ZBTB16: variants seen among roughly 807,000 people sequenced by gnomAD.
The protein encoded by ZBTB16 is zinc finger and BTB domain containing 16.
In ZBTB16, 8 loss-of-function variants were observed where a neutral mutation model predicts 56.8. The ratio of observed to expected loss-of-function variants is 0.14; its 90% CI spans 0.08 to 0.25. The LOEUF is 0.25. ZBTB16 is among the 10% of genes least tolerant of loss of function. The pLI, the probability that ZBTB16 is intolerant of heterozygous loss-of-function variation, is 1.00. For synonymous variants in ZBTB16, 363 were observed against 368.5 expected, an observed-to-expected ratio of 0.98 and a Z score of 0.17; for missense variants, 625 against 903.0, an observed-to-expected ratio of 0.69 and a Z score of 3.95.
Position 114,251,831 on chromosome 11 carries a change from T to G in ZBTB16, c.*1276T>G, listed in dbSNP as rs1284498889. Among the ~76,000 whole-genome samples, 1 of 152,144 alleles carries G rather than the reference T, an allele frequency of 6.6e-6. No homozygotes were observed. The highest frequency in any genetic ancestry group is 1.9e-4 in the East Asian group (1 of 5,196). ...GCTTTGGCCTTGTGTTATGTTTTGCTTCTTTTCTGTGTCCCCTGTTAGCAC... is the reference window on the plus strand; with the variant it reads ...GCTTTGGCCTTGTGTTATGTTTTGCGTCTTTTCTGTGTCCCCTGTTAGCAC... On this transcript the variant is annotated 3_prime_UTR_variant, in exon 7 of 7. Transcript: ENST00000335953.
intron 4 of ZBTB16, among the ~76,000 whole-genome samples, chr11:114,236,358 C>T (rs1157930635): frequency 6.6e-6 from 1 of 152,210 alleles, no homozygotes; most frequent in East Asian, 1.9e-4. Flanking sequence ...ACTAGGATCA[C>T]AAATCCAAGA....
chr11:114,217,371 A>G (rs905441470), intron 4 of ZBTB16, among the ~76,000 whole-genome samples: 2 of 152,284 alleles, frequency 1.3e-5, no homozygotes, highest in Admixed American at 6.5e-5. Context: ...TTTTGTGGCT[A>G]TCCTGATGAG....
In ZBTB16 at chr11:114,174,924, C is replaced by T. The variant is rs186382788; in HGVS notation, c.1367-12028C>T. ...CATAGAAGGCTGTCTAAGCTGGGCCCGTGCTCCCATCACAGGCAGTTTAGT... is the reference window on the plus strand; with the variant it reads ...CATAGAAGGCTGTCTAAGCTGGGCCTGTGCTCCCATCACAGGCAGTTTAGT... On this transcript the variant is annotated intron_variant, in intron 3 of 6. Coordinates refer to ENST00000335953, the MANE Select transcript of ZBTB16 (RefSeq NM_006006.6). Among the ~76,000 whole-genome samples, 11 of 152,290 alleles carry T rather than the reference C, an allele frequency of 7.2e-5. No homozygotes were observed. In the East Asian group the frequency reaches 9.7e-4, roughly 13 times the overall value.
rs186647646 is a variant in ZBTB16, at chr11:114,151,359, G to A, written c.1269-4978G>A. Among the ~76,000 whole-genome samples the A allele has an allele frequency of 5.8e-4, 88 of 152,290 alleles. 2 individuals carry two copies. The highest frequency in any genetic ancestry group is 4.9e-3 in the Admixed American group (75 of 15,294). On this transcript the variant is annotated intron_variant, in intron 2 of 6. Transcript: ENST00000335953. ...GTTGGTTCAGAGGATGGCTCAGTTA[G>A]GCTGAAAACAAGGACAACATCGTCT...
intron 2 of ZBTB16, among the ~76,000 whole-genome samples, chr11:114,079,976 G>A (rs1252278609): frequency 3.9e-5 from 6 of 152,166 alleles, no homozygotes; most frequent in Non-Finnish European, 8.8e-5. Flanking sequence ...GGGCTCCGGG[G>A]CGGCACTTCT....
chr11:114,061,171 G>C lies in ZBTB16; in HGVS notation c.-91+1289G>C, dbSNP rs1447830952. On this transcript the variant is annotated intron_variant, in intron 1 of 6. Coordinates refer to ENST00000335953, the MANE Select transcript of ZBTB16 (RefSeq NM_006006.6). ...ACTGGGGGGGTGTGAGAGCGCGGTC[G>C]ATCCCCGGAGCTCGGGCGGGTTATC... is the stretch of plus-strand genomic sequence containing the variant. Among the ~76,000 whole-genome samples, 3 of 152,154 alleles carry C rather than the reference G, an allele frequency of 2.0e-5. No individual in the cohort carries two copies. The East Asian group carries it at 5.9e-4, about 30-fold the overall frequency.
intron 4 of ZBTB16, among the ~76,000 whole-genome samples, chr11:114,196,354 A>G (rs1277489702): frequency 6.6e-6 from 1 of 152,212 alleles, no homozygotes; most frequent in African/African-American, 2.4e-5. Flanking sequence ...ACTTCTTCAA[A>G]TAGAACCTTC....
intron 2 of ZBTB16, among the ~76,000 whole-genome samples, chr11:114,153,234 C>T (rs957992611): frequency 1.2e-4 from 19 of 152,192 alleles, no homozygotes; most frequent in Non-Finnish European, 2.4e-4. Flanking sequence ...TACGAGCAAA[C>T]CAGTGCTGGG....
intron 2 of ZBTB16, among the ~76,000 whole-genome samples, chr11:114,140,547 T>C (rs1941919092): frequency 6.6e-6 from 1 of 152,208 alleles, no homozygotes. Context: ...TGCAGGGTGC[T>C]GAAGGAAAGA....
intron 2 of ZBTB16, among the ~76,000 whole-genome samples, chr11:114,140,250 G>GC (rs1316269432): frequency 4.6e-5 from 7 of 152,142 alleles, no homozygotes; most frequent in Non-Finnish European, 1.0e-4. Context: ...CCAGGCATGA[G>GC]CCCCCCTCCT....
At chr11:114,197,168 G>T in intron 4 of ZBTB16, among the ~76,000 whole-genome samples, 1 of 152,280 alleles carries the variant, frequency 6.6e-6, no homozygotes, top group South Asian at 2.1e-4. Flanking sequence ...GCCTAGAAAA[G>T]GTTGCTTAGT....
At chr11:114,066,735 T>C (rs1055122714) in intron 2 of ZBTB16, among the ~76,000 whole-genome samples, 2 of 151,996 alleles carry the variant, frequency 1.3e-5, no homozygotes, top group Admixed American at 6.6e-5. Context: ...GTGATACTTA[T>C]TTAACCTTTC....
At chr11:114,087,948 T>C (rs1199846840) in intron 2 of ZBTB16, among the ~76,000 whole-genome samples, 3 of 152,160 alleles carry the variant, frequency 2.0e-5, no homozygotes, top group South Asian at 2.1e-4. Flanking sequence ...TAAACTCTTA[T>C]GCTTCCCTTC....
At chr11:114,166,223 T>G (rs1261902704) in intron 3 of ZBTB16, among the ~76,000 whole-genome samples, 1 of 151,348 alleles carries the variant, frequency 6.6e-6, no homozygotes, top group East Asian at 1.9e-4. Context: ...TGTGTGTGTG[T>G]GTGTGTGTGT....
rs990073020 is a variant in ZBTB16, at chr11:114,253,612, G to A, written c.*3057G>A. ...TGCAGACCCCAGTAGGGAGGTATGG[G>A]GAGAGCTCAGGGGAGTGTGGTTTCT... On this transcript the variant is annotated 3_prime_UTR_variant, in exon 7 of 7. Coordinates refer to ENST00000335953, the MANE Select transcript of ZBTB16 (RefSeq NM_006006.6). Among the ~76,000 whole-genome samples, 3 of 152,216 alleles carry A rather than the reference G, an allele frequency of 2.0e-5. No homozygotes were observed. The highest frequency in any genetic ancestry group is 7.2e-5 in the African/African-American group (3 of 41,444).
Position 114,093,151 on chromosome 11 carries a change from C to T in ZBTB16, c.1268+28583C>T, listed in dbSNP as rs576287165. ...GTCTACATGGGGTGTTAAGGCCCCACGTGTTTTTGCCTGTGCCCTTTAATT... is the reference window on the plus strand; with the variant it reads ...GTCTACATGGGGTGTTAAGGCCCCATGTGTTTTTGCCTGTGCCCTTTAATT... On this transcript the variant is annotated intron_variant, in intron 2 of 6. Coordinates refer to ENST00000335953, the MANE Select transcript of ZBTB16 (RefSeq NM_006006.6). Among the ~76,000 whole-genome samples, 9 of 152,278 alleles carry T rather than the reference C, an allele frequency of 5.9e-5. No individual in the cohort carries two copies. In the East Asian group the frequency reaches 1.4e-3, roughly 23 times the overall value.
intron 4 of ZBTB16, among the ~76,000 whole-genome samples, chr11:114,240,919 G>A (rs1302369101): frequency 6.6e-6 from 1 of 152,226 alleles, no homozygotes; most frequent in African/African-American, 2.4e-5. Context: ...GCAAGACCCT[G>A]CATGGCCTGG....
intron 2 of ZBTB16, among the ~76,000 whole-genome samples, chr11:114,081,207 G>A (rs909177789): frequency 2.0e-5 from 3 of 152,162 alleles, no homozygotes; most frequent in South Asian, 2.1e-4. Flanking sequence ...GTCTGTGAGG[G>A]ATGCTGGGGG....
chr11:114,177,041 T>G (rs1439854508), intron 3 of ZBTB16, among the ~76,000 whole-genome samples: 1 of 152,172 alleles, frequency 6.6e-6, no homozygotes, highest in Non-Finnish European at 1.5e-5. Context: ...CTGCATACCC[T>G]GTAGGCTGTG....
Sources: gnomAD v4.1 joint callset for allele counts (sites outside exome capture counted in the v4.1 genomes callset) on GRCh38, gnomAD v4.1.1 for gene constraint, MANE v1.5 for transcripts, NCBI Gene and HGNC (gene_info 2026-07-23, HGNC 2026-07-21) for gene names.